The following DHPS variants were observed in gnomAD, a reference collection of about 807,000 sequenced individuals.
DHPS encodes the protein deoxyhypusine synthase.
DHPS carries 24 observed loss-of-function variants against 38.7 expected under a neutral mutation model. The observed-to-expected ratio is 0.62, with a 90% CI of 0.45 to 0.87. The LOEUF (loss-of-function observed/expected upper bound fraction) is 0.87. Among genes scored for constraint, DHPS ranks in the 40% least tolerant of loss-of-function variants. The pLI, the probability that DHPS is intolerant of heterozygous loss-of-function variation, is 0.00. For synonymous variants in DHPS, 250 were observed against 204.4 expected, an observed-to-expected ratio of 1.22 and a Z score of -1.90; for missense variants, 510 against 497.6, an observed-to-expected ratio of 1.02 and a Z score of -0.24.
At position 12,677,193 on chromosome 19, in the gene DHPS, G is replaced by C. The variant is rs781692345; in HGVS notation, c.803C>G (p.Thr268Arg). 1 of 1,614,238 alleles carries C rather than the reference G, an allele frequency of 6.2e-7. No homozygotes were observed. The highest frequency in any genetic ancestry group is 2.2e-5 in the East Asian group (1 of 44,880). ...AGTGCACTTGGCAAAGATGGCCTGT[G>C]TGTTGATGAGCCTCAGGTCTGGGGG... ...DIVEDLRLIN[T>R]QAIFAKCTGM... The change falls in exon 7 of 9, where the codon ACA (threonine) becomes AGA (arginine). Residue 268 changes from threonine (T) to arginine (R), a missense_variant. Thr to Arg is a moderately conservative substitution (Grantham distance 71, BLOSUM62 -1). Transcript: ENST00000210060.
Position 12,675,980 on chromosome 19 carries a change from T to C in DHPS, c.1014+37A>G, listed in dbSNP as rs192483390. The C allele has an allele frequency of 2.2e-3, 3,508 of 1,607,650 alleles. 5 individuals are homozygous for C. Among genetic ancestry groups the C allele is most frequent in the Non-Finnish European group, 2.8e-3 (3,338 of 1,175,862 alleles). ...TAAGCCATGGGACCCACACTCATCG[T>C]CCCAGAGACCCTATGCCCCACCCAG... is the stretch of plus-strand genomic sequence containing the variant. On this transcript the variant is annotated intron_variant, in intron 8 of 8. Coordinates refer to ENST00000210060, the MANE Select transcript of DHPS (RefSeq NM_001930.4).
chr19:12,679,553 G>A lies in DHPS; in HGVS notation c.592-10C>T, dbSNP rs372935254. ...GCGTCCACTTTACACCCTAGGAGAG[G>A]ATGTGACCTTCAGGCCATGCCTCCC... is the stretch of plus-strand genomic sequence containing the variant. On this transcript the variant is annotated splice_polypyrimidine_tract_variant and intron_variant, in intron 4 of 8. Coordinates refer to ENST00000210060, the MANE Select transcript of DHPS (RefSeq NM_001930.4). The A allele has an allele frequency of 5.0e-6, 8 of 1,614,022 alleles. No homozygotes were observed. The highest frequency in any genetic ancestry group is 1.3e-5 in the African/African-American group (1 of 74,906).
At chr19:12,672,674 G>A, downstream of DHPS, 1 of 648,990 alleles carries the variant, frequency 1.5e-6, no homozygotes, top group Non-Finnish European at 2.7e-6. Context: ...TGTGGGTCTT[G>A]GAAATGATGG....
chr19:12,673,477 G>A (rs2024483295), downstream of DHPS, among the ~76,000 whole-genome samples: 1 of 149,166 alleles, frequency 6.7e-6, no homozygotes, highest in Non-Finnish European at 1.5e-5. Context: ...GAGTGCAGTG[G>A]CGCAATCTTG....
At chr19:12,675,256 A>G (rs902506266), downstream of DHPS, among the ~76,000 whole-genome samples, 1 of 152,230 alleles carries the variant, frequency 6.6e-6, no homozygotes, top group Non-Finnish European at 1.5e-5. Flanking sequence ...GTAAGACCCC[A>G]TCTCTGCTAT....
chr19:12,672,824 G>A (rs763882368), downstream of DHPS: 29 of 1,564,152 alleles, frequency 1.9e-5, no homozygotes, highest in Admixed American at 1.5e-4. Context: ...CAAGGTTCCC[G>A]CTGGATCTAC....
downstream of DHPS, chr19:12,675,433 G>C: frequency 6.5e-7 from 1 of 1,530,038 alleles, no homozygotes; most frequent in African/African-American, 1.4e-5. Flanking sequence ...GAGGGCTTCA[G>C]GCAGGACTGA....
Position 12,676,130 on chromosome 19 carries a change from CG to C in DHPS, c.900del (p.Asp301ThrfsTer85), listed in dbSNP as rs760837648. 3.7e-6 allele frequency: 6 copies of C among 1,610,964 alleles called. No homozygotes were observed. The highest frequency in any genetic ancestry group is 5.1e-6 in the Non-Finnish European group (6 of 1,178,834). The part of the protein sequence containing the change: ...IANANLMRNG[A>X]DYAVYINTAQ... The stretch of plus-strand genomic sequence containing the variant: ...GCTGTGTTGATGTAAACAGCGTAGT[CG>C]GCCCCGTTCCGCTGTGGGGAGGCGG... On this transcript the variant is annotated frameshift_variant, in exon 8 of 9. Transcript: ENST00000210060. LOFTEE classifies it high-confidence loss of function.
Position 12,681,746 on chromosome 19 carries a change from C to G in DHPS, c.21G>C (p.Arg7=), listed in dbSNP as rs1057380619. Residue 7 remains arginine, a synonymous_variant, in exon 1 of 9, where the codon CGG becomes CGC. Transcript: ENST00000210060. MEGSLE[R]EAPAGALAAV... is the part of the protein sequence containing the mutation. The stretch of plus-strand genomic sequence containing the variant: ...CGGCCAGCGCCCCCGCTGGCGCCTC[C>G]CGTTCCAGGGAACCTTCCATGCGCC... The G allele has an allele frequency of 6.2e-7, 1 of 1,610,952 alleles. No homozygotes were observed. The highest frequency in any genetic ancestry group is 8.5e-7 in the Non-Finnish European group (1 of 1,179,906).
At position 12,680,281 on chromosome 19, in the gene DHPS, G is replaced by A. The variant is rs140831570; in HGVS notation, c.252C>T (p.His84=). The change falls in exon 2 of 9, where the codon CAC becomes CAT. Residue 84 remains histidine (H), a synonymous_variant. Coordinates refer to ENST00000210060, the MANE Select transcript of DHPS (RefSeq NM_001930.4). ...LEPLSQDEDQ[H]ADLTQSRRPL... ...GGCGGCGGCTCTGGGTCAGGTCCGC[G>A]TGCTGGTCTTCATCCTGTGACAGTG... 5.6e-5 allele frequency: 90 copies of A among 1,614,152 alleles called. No individual in the cohort carries two copies. The highest frequency in any genetic ancestry group is 1.6e-4 in the African/African-American group (12 of 75,020).
chr19:12,673,891 G>C (rs1309163387), downstream of DHPS, among the ~76,000 whole-genome samples: 1 of 151,994 alleles, frequency 6.6e-6, no homozygotes, highest in Non-Finnish European at 1.5e-5. Flanking sequence ...GTAGAGACAG[G>C]GTTTCACCAT....
At chr19:12,675,971 C>T (rs1446176044) in intron 8 of DHPS, 38 bp from the exon 9 acceptor site, 2 of 1,606,104 alleles carry the variant, frequency 1.2e-6, no homozygotes, top group Non-Finnish European at 1.7e-6. Context: ...ATGGGACCCA[C>T]ACTCATCGTC....
chr19:12,674,330 G>A (rs1466894549), downstream of DHPS, among the ~76,000 whole-genome samples: 2 of 152,192 alleles, frequency 1.3e-5, no homozygotes, highest in East Asian at 1.9e-4. Context: ...TGGGGAGTCA[G>A]GCCAGAAACA....
At chr19:12,677,980 C>T (rs555045887) in intron 5 of DHPS, among the ~76,000 whole-genome samples, 4 of 147,548 alleles carry the variant, frequency 2.7e-5, no homozygotes, top group East Asian at 2.2e-4. Context: ...TGGCCGGGCG[C>T]GGTGGCTCAC....
At chr19:12,675,377 A>T (rs991692920), downstream of DHPS, 90 of 1,134,324 alleles carry the variant, frequency 7.9e-5, no homozygotes, top group Non-Finnish European at 1.0e-4. Context: ...TGCAGTGTCT[A>T]GGAGGCAATT....
In DHPS at chr19:12,681,608, G is replaced by T; in HGVS notation, c.159C>A (p.Gly53=). The T allele has an allele frequency of 6.2e-7, 1 of 1,614,262 alleles. No homozygotes were observed. Among genetic ancestry groups the T allele is most frequent in the East Asian group, 2.2e-5 (1 of 44,886 alleles). ...CGCGCCCGAAGTTGGTTGCTTGGAA[G>T]CCGGTGGTGCCGAAGGCCTCCAGCA... ...RALLEAFGTT[G]FQATNFGRAV... The change falls in exon 1 of 9, where the codon GGC becomes GGA. Residue 53 remains glycine, a synonymous_variant. Transcript: ENST00000210060.
rs779347086 is a variant in DHPS, at chr19:12,677,316, C to T, written c.759G>A (p.Pro253=). The part of the protein sequence containing the change: ...DMIFFHSYKN[P]GLVLDIVEDL... The stretch of plus-strand genomic sequence containing the variant: ...CCTCAACGATGTCCAGGACCAGGCC[C>T]GGGTTCTTGTAGGAATGGAAGAAGA... The change falls in exon 6 of 9, where the codon CCG becomes CCA. Residue 253 remains proline, a synonymous_variant. Transcript: ENST00000210060. 19 of 1,614,068 alleles carry T rather than the reference C, an allele frequency of 1.2e-5. No homozygotes were observed. Among genetic ancestry groups the T allele is most frequent in the Admixed American group, 3.3e-5 (2 of 60,006 alleles).
In DHPS at chr19:12,677,416, A is replaced by T; in HGVS notation, c.679-20T>A. Reference sequence around the variant, plus strand: ...GTGGTTCTGCAGAGAACATGACAGGACAGTGGCTGGAGCTCAGAGCCTCGT... The same window carrying T: ...GTGGTTCTGCAGAGAACATGACAGGTCAGTGGCTGGAGCTCAGAGCCTCGT... On this transcript the variant is annotated intron_variant, in intron 5 of 8. Coordinates refer to ENST00000210060, the MANE Select transcript of DHPS (RefSeq NM_001930.4). 1 of 1,606,464 alleles carries T rather than the reference A, an allele frequency of 6.2e-7. No individual in the cohort carries two copies. Among genetic ancestry groups the T allele is most frequent in the Non-Finnish European group, 8.5e-7 (1 of 1,174,682 alleles).
chr19:12,673,034 C>A, downstream of DHPS: 5 of 1,613,648 alleles, frequency 3.1e-6, no homozygotes, highest in Non-Finnish European at 4.2e-6. Flanking sequence ...CTGCTTCAGC[C>A]GGGATGGGCA....
Sources: gnomAD v4.1 joint callset for allele counts (sites outside exome capture counted in the v4.1 genomes callset) on GRCh38, gnomAD v4.1.1 for gene constraint, MANE v1.5 for transcripts, NCBI Gene and HGNC (gene_info 2026-07-23, HGNC 2026-07-21) for gene names.